Variants in LRRTM4 observed in about 807,000 individuals in gnomAD.
LRRTM4 encodes the protein leucine rich repeat transmembrane neuronal 4.
A neutral mutation model predicts 47.6 loss-of-function variants in LRRTM4; 25 were observed. The observed-to-expected ratio is 0.53, with a 90% CI of 0.38 to 0.73. The LOEUF (loss-of-function observed/expected upper bound fraction) is 0.73, where lower values mean the gene tolerates loss of function less well. LRRTM4 is among the 30% of genes least tolerant of loss of function. The pLI is 0.00. For missense variants in LRRTM4, 638 were observed against 713.4 expected, an observed-to-expected ratio of 0.89 and a Z score of 1.20; for synonymous variants, 311 against 269.5, an observed-to-expected ratio of 1.15 and a Z score of -1.51.
intron 3 of LRRTM4, among the ~76,000 whole-genome samples, chr2:76,953,478 A>G (rs1048275863): frequency 7.2e-5 from 11 of 151,868 alleles, no homozygotes; most frequent in Admixed American, 2.6e-4. Flanking sequence ...ACACACGCGC[A>G]CACACACACA....
At chr2:76,994,400 G>C (rs577239705) in intron 3 of LRRTM4, among the ~76,000 whole-genome samples, 2 of 152,020 alleles carry the variant, frequency 1.3e-5, no homozygotes, top group African/African-American at 4.8e-5. Context: ...TCATGTGCAA[G>C]CATCCAAAAT....
intron 3 of LRRTM4, among the ~76,000 whole-genome samples, chr2:77,420,815 T>A (rs976994972): frequency 6.9e-6 from 1 of 145,320 alleles, no homozygotes; most frequent in Non-Finnish European, 1.5e-5. Flanking sequence ...TAATATATAA[T>A]ATATTACCCT....
At chr2:77,223,781 T>C (rs1377127542) in intron 3 of LRRTM4, among the ~76,000 whole-genome samples, 1 of 152,324 alleles carries the variant, frequency 6.6e-6, no homozygotes, top group East Asian at 1.9e-4. Flanking sequence ...ATGGCCATAC[T>C]GCCCAAGGTA....
intron 3 of LRRTM4, among the ~76,000 whole-genome samples, chr2:77,001,645 A>C (rs1351126629): frequency 6.6e-6 from 1 of 152,138 alleles, no homozygotes; most frequent in African/African-American, 2.4e-5. Flanking sequence ...CATTCACTAC[A>C]AAATCAGCCC....
chr2:76,852,885 G>C (rs1191640877), intron 3 of LRRTM4, among the ~76,000 whole-genome samples: 1 of 152,156 alleles, frequency 6.6e-6, no homozygotes, highest in Non-Finnish European at 1.5e-5. Flanking sequence ...CATCAATGCA[G>C]AGGCTAGAAA....
rs995215099 is a variant in LRRTM4 at position 77,408,587 on chromosome 2, C to T, written c.1551+109731G>A. 2.8e-4 allele frequency among the ~76,000 whole-genome samples: 42 copies of T among 152,158 alleles called. 1 individual carries two copies. The highest frequency in any genetic ancestry group is 1.0e-3 in the Admixed American group (16 of 15,272). ...GTTTTCTCATAAACATTAGTAATTA[C>T]AGCAACTGGACCACTGACTGCTATG... On this transcript the variant is annotated intron_variant, in intron 3 of 3. Coordinates refer to ENST00000409884, the MANE Select transcript of LRRTM4 (RefSeq NM_001134745.3).
At chr2:77,412,806 C>T (rs934513706) in intron 3 of LRRTM4, among the ~76,000 whole-genome samples, 1 of 152,118 alleles carries the variant, frequency 6.6e-6, no homozygotes, top group African/African-American at 2.4e-5. Flanking sequence ...CATGGGATGG[C>T]TGACATATTG....
chr2:76,800,048 A>G (rs1325519388), intron 3 of LRRTM4, among the ~76,000 whole-genome samples: 5 of 151,956 alleles, frequency 3.3e-5, no homozygotes, highest in African/African-American at 4.8e-5. Context: ...TACAGATTCA[A>G]TGCCATCCCC....
chr2:77,135,093 G>A (rs1344906209), intron 3 of LRRTM4, among the ~76,000 whole-genome samples: 3 of 152,192 alleles, frequency 2.0e-5, no homozygotes, highest in Non-Finnish European at 4.4e-5. Context: ...AACTACATAT[G>A]GACGGATGAA....
At chr2:76,937,729 G>A (rs571758336) in intron 3 of LRRTM4, among the ~76,000 whole-genome samples, 1 of 152,154 alleles carries the variant, frequency 6.6e-6, no homozygotes, top group African/African-American at 2.4e-5. Flanking sequence ...ACCACACCGG[G>A]CTAATTTTTT....
In LRRTM4 at chr2:76,807,438, GTATATACATATATATATATACATATA is replaced by G. The variant is rs1386836724; in HGVS notation, c.1552-58548_1552-58523del. 1.0e-3 allele frequency among the ~76,000 whole-genome samples: 66 copies of G among 65,184 alleles called. No homozygotes were observed. In the South Asian group the frequency reaches 0.017, roughly 17 times the overall value. The allele number at this position is 65,184 out of a possible 152,430, so 42.8% of individuals were successfully genotyped here. On this transcript the variant is annotated intron_variant, in intron 3 of 3. Transcript: ENST00000409884. Reference sequence around the variant, plus strand: ...TATATATATATACATATATATATACGTATATACATATATATATATACATATATATATACATATATATATATATACAT... The same window carrying G: ...TATATATATATACATATATATATACGTATATACATATATATATATATACAT...
At chr2:77,470,189 C>A (rs1394239484) in intron 3 of LRRTM4, among the ~76,000 whole-genome samples, 1 of 152,028 alleles carries the variant, frequency 6.6e-6, no homozygotes, top group Non-Finnish European at 1.5e-5. Context: ...CTGTGCCTAT[C>A]ATTCAGGATT....
intron 3 of LRRTM4, among the ~76,000 whole-genome samples, chr2:77,131,077 G>A (rs984475412): frequency 9.3e-5 from 14 of 150,724 alleles, no homozygotes; most frequent in African/African-American, 9.7e-5. Flanking sequence ...CTCGTGATCC[G>A]CCCGCCTCGG....
At chr2:77,339,933 C>T (rs1381812737) in intron 3 of LRRTM4, among the ~76,000 whole-genome samples, 1 of 151,828 alleles carries the variant, frequency 6.6e-6, no homozygotes, top group Non-Finnish European at 1.5e-5. Context: ...ACGTTGACAA[C>T]TGAGACCAAG....
At chr2:77,015,609 C>T (rs946150599) in intron 3 of LRRTM4, among the ~76,000 whole-genome samples, 5 of 151,912 alleles carry the variant, frequency 3.3e-5, no homozygotes, top group Non-Finnish European at 7.4e-5. Context: ...CAGGTGTGAG[C>T]CACCATGCCC....
At chr2:76,902,838 G>C (rs1250451749) in intron 3 of LRRTM4, among the ~76,000 whole-genome samples, 1 of 151,830 alleles carries the variant, frequency 6.6e-6, no homozygotes, top group African/African-American at 2.4e-5. Context: ...AGATTCCCCT[G>C]GTGCATTTGA....
intron 3 of LRRTM4, among the ~76,000 whole-genome samples, chr2:76,782,938 T>G (rs765980315): frequency 6.6e-6 from 1 of 152,188 alleles, no homozygotes; most frequent in East Asian, 1.9e-4. Context: ...ATATAACAAA[T>G]TGTTGAAGCT....
chr2:77,024,134 C>T (rs1233664848), intron 3 of LRRTM4, among the ~76,000 whole-genome samples: 3 of 152,124 alleles, frequency 2.0e-5, no homozygotes, highest in Non-Finnish European at 4.4e-5. Context: ...ACCACAAGAA[C>T]AGTATTGGGG....
At chr2:76,989,255 G>A (rs1676918555) in intron 3 of LRRTM4, among the ~76,000 whole-genome samples, 1 of 151,660 alleles carries the variant, frequency 6.6e-6, no homozygotes, top group Non-Finnish European at 1.5e-5. Context: ...ATTTAATATG[G>A]TATCTACAAT....
Sources: gnomAD v4.1 joint callset for allele counts (sites outside exome capture counted in the v4.1 genomes callset) on GRCh38, gnomAD v4.1.1 for gene constraint, MANE v1.5 for transcripts, NCBI Gene and HGNC (gene_info 2026-07-23, HGNC 2026-07-21) for gene names.